Variants in MACROD2 observed in about 807,000 individuals in gnomAD.
MACROD2 encodes ADP-ribose glycohydrolase MACROD2.
Under a neutral mutation model 70.4 loss-of-function variants are expected in MACROD2, and 36 were observed. That is an observed-to-expected ratio of 0.51 (90% CI 0.39 to 0.68). The LOEUF is 0.68. Among genes scored for constraint, MACROD2 ranks in the 30% least tolerant of loss-of-function variants. The pLI is 0.00. For synonymous variants in MACROD2, 172 were observed against 178.8 expected (o/e 0.96, Z 0.30); for missense variants, 496 against 538.4 (o/e 0.92, Z 0.78).
At chr20:15,082,580 T>A (rs1381875728) in intron 5 of MACROD2, among the ~76,000 whole-genome samples, 1 of 126,030 alleles carries the variant, frequency 7.9e-6, no homozygotes, top group Non-Finnish European at 1.6e-5. Flanking sequence ...TTGGAAATCA[T>A]AGAAACATAT....
At chr20:14,245,720 C>T (rs1052105738) in intron 3 of MACROD2, among the ~76,000 whole-genome samples, 4 of 152,210 alleles carry the variant, frequency 2.6e-5, no homozygotes, top group Non-Finnish European at 4.4e-5. Flanking sequence ...AATGCTATAA[C>T]TCCTACCAAC....
chr20:14,213,361 C>CAAAAAAAAAAAAA (rs60009822), intron 3 of MACROD2, among the ~76,000 whole-genome samples: 1 of 30,260 alleles, frequency 3.3e-5, no homozygotes, highest in Non-Finnish European at 5.4e-5. Context: ...CTTCTAGTGG[C>CAAAAAAAAAAAAA]AAAAAAAAAA....
chr20:14,208,113 G>T (rs6105227), intron 3 of MACROD2, among the ~76,000 whole-genome samples: 142,088 of 152,210 alleles, frequency 0.93, 66,456 homozygotes, highest in East Asian at 0.99. Flanking sequence ...ACTTGAAGAA[G>T]AGTAGGTCCA....
intron 5 of MACROD2, among the ~76,000 whole-genome samples, chr20:14,725,538 T>C (rs1264102478): frequency 6.6e-6 from 1 of 152,056 alleles, no homozygotes; most frequent in Non-Finnish European, 1.5e-5. Context: ...CTATAAATGT[T>C]GATATATTAT....
Position 15,807,382 on chromosome 20 carries a change from C to T in MACROD2, c.646-55363C>T, listed in dbSNP as rs1296996178. 1.2e-3 allele frequency among the ~76,000 whole-genome samples: 175 copies of T among 152,146 alleles called. 5 individuals carry two copies. The highest frequency in any genetic ancestry group is 5.9e-5 in the Non-Finnish European group (4 of 68,034). On this transcript the variant is annotated intron_variant, in intron 8 of 17. Coordinates refer to ENST00000684519, the MANE Select transcript of MACROD2 (RefSeq NM_001351661.2). ...ATCAGGGAAGTTTCAAAGAAAGAAC[C>T]ATCTTCTGAATTCATTGTGGGTCGT... is the stretch of plus-strand genomic sequence containing the variant.
chr20:15,403,188 A>G (rs2045952634), intron 6 of MACROD2, among the ~76,000 whole-genome samples: 2 of 152,086 alleles, frequency 1.3e-5, no homozygotes, highest in Admixed American at 1.3e-4. Context: ...GGCTGGTCTC[A>G]AACTCCTGAC....
At chr20:15,611,101 T>A (rs1345518151) in intron 8 of MACROD2, among the ~76,000 whole-genome samples, 1 of 142,482 alleles carries the variant, frequency 7.0e-6, no homozygotes, top group East Asian at 2.3e-4. Context: ...CCTAAGAGAC[T>A]CATGTCAGTC....
At chr20:15,457,013 A>G (rs2046736366) in intron 7 of MACROD2, among the ~76,000 whole-genome samples, 1 of 149,358 alleles carries the variant, frequency 6.7e-6, no homozygotes, top group Non-Finnish European at 1.5e-5. Context: ...GCAAAGACTG[A>G]GGTATGAAAA....
intron 3 of MACROD2, among the ~76,000 whole-genome samples, chr20:14,226,299 C>T (rs1327255116): frequency 6.6e-6 from 1 of 152,118 alleles, no homozygotes; most frequent in South Asian, 2.1e-4. Flanking sequence ...ATAGGATTTT[C>T]GCAACTGTTT....
At chr20:15,399,587 A>T (rs770134726) in intron 6 of MACROD2, among the ~76,000 whole-genome samples, 1 of 152,210 alleles carries the variant, frequency 6.6e-6, no homozygotes, top group Non-Finnish European at 1.5e-5. Flanking sequence ...TGTGCCTGTT[A>T]TCCAGTCTTT....
intron 5 of MACROD2, among the ~76,000 whole-genome samples, chr20:14,875,320 G>A (rs1306151855): frequency 6.6e-6 from 1 of 152,002 alleles, no homozygotes; most frequent in Non-Finnish European, 1.5e-5. Context: ...GGTAGAAGAT[G>A]CAGTGAGCCC....
intron 8 of MACROD2, among the ~76,000 whole-genome samples, chr20:15,701,491 A>T (rs917838439): frequency 6.6e-6 from 1 of 152,068 alleles, no homozygotes; most frequent in East Asian, 1.9e-4. Context: ...TATTTCTATA[A>T]CTCTAGCGCA....
At chr20:15,819,431 G>C (rs982312042) in intron 8 of MACROD2, among the ~76,000 whole-genome samples, 1 of 136,870 alleles carries the variant, frequency 7.3e-6, no homozygotes, top group Non-Finnish European at 1.5e-5. Flanking sequence ...ATATAAATAA[G>C]TATATAATTA....
chr20:16,035,200 TATAAA>T lies in MACROD2; in HGVS notation c.1154-5997_1154-5993del, dbSNP rs1170268033. Among the ~76,000 whole-genome samples the T allele has an allele frequency of 2.8e-4, 39 of 138,078 alleles. 1 individual carries two copies. The highest frequency in any genetic ancestry group is 1.0e-3 in the African/African-American group (39 of 37,176). The allele number at this position is 138,078 out of a possible 152,430, so 90.6% of individuals were successfully genotyped here. ...ATTATATATTATATATAAAATATAA[TATAAA>T]ATATTATATATTATATATATACCAG... is the stretch of plus-strand genomic sequence containing the variant. On this transcript the variant is annotated intron_variant, in intron 15 of 17. Transcript: ENST00000684519.
chr20:15,407,304 C>T (rs750875846), intron 6 of MACROD2, among the ~76,000 whole-genome samples: 1 of 152,138 alleles, frequency 6.6e-6, no homozygotes, highest in Non-Finnish European at 1.5e-5. Flanking sequence ...CTAAATCACC[C>T]CTCAATGGAA....
At chr20:14,813,540 T>C (rs1228238741) in intron 5 of MACROD2, among the ~76,000 whole-genome samples, 1 of 152,102 alleles carries the variant, frequency 6.6e-6, no homozygotes, top group Non-Finnish European at 1.5e-5. Flanking sequence ...ATCTCATTCC[T>C]TTTTATGGCT....
At chr20:16,007,399 ACCTTC>A (rs2066803623) in intron 15 of MACROD2, among the ~76,000 whole-genome samples, 2 of 152,284 alleles carry the variant, frequency 1.3e-5, no homozygotes, top group South Asian at 4.1e-4. Context: ...TGCTGACAAC[ACCTTC>A]ACTTTATAAC....
intron 3 of MACROD2, among the ~76,000 whole-genome samples, chr20:14,307,926 C>T (rs1314967421): frequency 2.6e-5 from 4 of 151,996 alleles, no homozygotes; most frequent in Non-Finnish European, 5.9e-5. Flanking sequence ...TTACTGAAAG[C>T]TAAAGTTGAT....
At chr20:14,915,091 C>T (rs1341783344) in intron 5 of MACROD2, among the ~76,000 whole-genome samples, 1 of 152,130 alleles carries the variant, frequency 6.6e-6, no homozygotes, top group Admixed American at 6.5e-5. Context: ...TACTTTATAA[C>T]CATAAAGAAA....
Sources: allele counts gnomAD v4.1 joint callset (sites outside exome capture counted in the v4.1 genomes callset), GRCh38; gene constraint gnomAD v4.1.1; transcripts MANE v1.5; gene names NCBI Gene and HGNC (gene_info 2026-07-23, HGNC 2026-07-21).